The following WWC2 variants were observed in gnomAD, a reference collection of about 807,000 sequenced individuals.
WWC2 encodes WW and C2 domain containing 2, also known as protein WWC2.
In WWC2, 101 loss-of-function variants were observed where a neutral mutation model predicts 138.5. The ratio of observed to expected loss-of-function variants is 0.73; its 90% CI spans 0.62 to 0.86. The LOEUF (loss-of-function observed/expected upper bound fraction) is 0.86, where lower values mean the gene tolerates loss of function less well. Among genes scored for constraint, WWC2 ranks in the 40% least tolerant of loss-of-function variants. The probability of loss-of-function intolerance (pLI) is 0.00; values close to 1 mark genes in which losing one functional copy is unlikely to be tolerated. For missense variants in WWC2, 1,420 were observed against 1,419.4 expected, an observed-to-expected ratio of 1.00 and a Z score of -0.01; for synonymous variants, 558 against 538.4, an observed-to-expected ratio of 1.04 and a Z score of -0.50.
chr4:183,263,624 A>T (rs1737405014), intron 11 of WWC2, among the ~76,000 whole-genome samples: 1 of 152,218 alleles, frequency 6.6e-6, no homozygotes, highest in African/African-American at 2.4e-5. Flanking sequence ...ATAAAGGCTA[A>T]TTCTCACAAA....
chr4:183,257,871 G>A (rs1737197110), intron 9 of WWC2, among the ~76,000 whole-genome samples: 1 of 152,200 alleles, frequency 6.6e-6, no homozygotes, highest in African/African-American at 2.4e-5. Context: ...AAGGGCTGAT[G>A]TCTGCATTCT....
rs771302128 is a variant in WWC2, at chr4:183,271,260, A to G, written c.2562+19A>G. ...AGACTTGGTGAGTCAAAATTAGAGT[A>G]TAATATGAAAGTAATGTGAAATACA... On this transcript the variant is annotated intron_variant, in intron 16 of 22. Coordinates refer to ENST00000403733, the MANE Select transcript of WWC2 (RefSeq NM_024949.6). 6.3e-7 allele frequency: 1 copy of G among 1,586,612 alleles called. No homozygotes were observed. The highest frequency in any genetic ancestry group is 2.3e-5 in the East Asian group (1 of 44,316).
At chr4:183,299,309 G>T (rs553735740) in intron 21 of WWC2, among the ~76,000 whole-genome samples, 1 of 152,142 alleles carries the variant, frequency 6.6e-6, no homozygotes, top group South Asian at 2.1e-4. Context: ...TTGAGTTTTG[G>T]GGGGAAAAAC....
In WWC2 at chr4:183,320,020, A is replaced by T. The variant is rs776865050; in HGVS notation, c.*4291A>T. On this transcript the variant is annotated 3_prime_UTR_variant, in exon 23 of 23. Coordinates refer to ENST00000403733, the MANE Select transcript of WWC2 (RefSeq NM_024949.6). ...GCAGGCAAAGCCAGGAAGGAGTCAAAGTCCTTGCATTGCATCCCCACTTCC... is the reference window on the plus strand; with the variant it reads ...GCAGGCAAAGCCAGGAAGGAGTCAATGTCCTTGCATTGCATCCCCACTTCC... 36 of 1,613,896 alleles carry T rather than the reference A, an allele frequency of 2.2e-5. 3 individuals carry two copies. In the South Asian group the frequency reaches 4.0e-4, roughly 18 times the overall value.
At chr4:183,147,562 A>G (rs1301877357) in intron 1 of WWC2, among the ~76,000 whole-genome samples, 1 of 152,238 alleles carries the variant, frequency 6.6e-6, no homozygotes, top group Non-Finnish European at 1.5e-5. Flanking sequence ...AGTGAATTTC[A>G]GAGATCTGTC....
In WWC2 at chr4:183,319,296, T is replaced by C; in HGVS notation, c.*3567T>C. The C allele has an allele frequency of 2.5e-6, 1 of 405,216 alleles. No individual in the cohort carries two copies. Among genetic ancestry groups the C allele is most frequent in the Non-Finnish European group, 4.4e-6 (1 of 229,474 alleles). The allele number at this position is 405,216 out of a possible 1,614,324, so 25.1% of individuals were successfully genotyped here. Reference sequence around the variant, plus strand: ...AGATTAATGTTTTATTTACCACTTCTGTGCAATCGCTATTTTAAAATTGAG... The same window carrying C: ...AGATTAATGTTTTATTTACCACTTCCGTGCAATCGCTATTTTAAAATTGAG... On this transcript the variant is annotated 3_prime_UTR_variant, in exon 23 of 23. Coordinates refer to ENST00000403733, the MANE Select transcript of WWC2 (RefSeq NM_024949.6).
intron 4 of WWC2, among the ~76,000 whole-genome samples, chr4:183,221,392 A>G (rs373508818): frequency 5.4e-4 from 83 of 152,348 alleles, no homozygotes; most frequent in African/African-American, 1.9e-3. Flanking sequence ...GCTGTCGAAG[A>G]TGTAAACAAT....
rs147844978 is a variant in WWC2 at position 183,186,706 on chromosome 4, G to C, written c.132-6893G>C. ...GCCTGGAGGAGGGGATGCGAGACAT[G>C]TAGAGAGGAGTGGGGTGTGTGGGTC... is the stretch of plus-strand genomic sequence containing the variant. On this transcript the variant is annotated intron_variant, in intron 1 of 22. Coordinates refer to ENST00000403733, the MANE Select transcript of WWC2 (RefSeq NM_024949.6). Among the ~76,000 whole-genome samples the C allele has an allele frequency of 5.1e-3, 778 of 152,238 alleles. 12 individuals are homozygous for C. The highest frequency in any genetic ancestry group is 0.017 in the African/African-American group (727 of 41,548).
At chr4:183,280,229 G>GGTTTTT (rs1738018362) in intron 16 of WWC2, among the ~76,000 whole-genome samples, 2 of 65,430 alleles carry the variant, frequency 3.1e-5, no homozygotes, top group Non-Finnish European at 5.3e-5. Flanking sequence ...GATAGCAGCT[G>GGTTTTT]TTTTTTTTTT....
At chr4:183,158,386 C>A (rs200292776) in intron 1 of WWC2, among the ~76,000 whole-genome samples, 1 of 151,744 alleles carries the variant, frequency 6.6e-6, no homozygotes, top group Admixed American at 6.6e-5. Flanking sequence ...AGTCTGAGAC[C>A]GGGTGTAGGC....
At chr4:183,261,652 C>T (rs74891370) in intron 11 of WWC2, 120 bp downstream of exon 11, 22,747 of 1,221,810 alleles carry the variant, frequency 0.019, 238 homozygotes, top group Non-Finnish European at 0.022. Flanking sequence ...TTTGAGTAAT[C>T]GTTTTGGCTT....
Position 183,317,551 on chromosome 4 carries a change from G to A in WWC2, c.*1822G>A, listed in dbSNP as rs1444074003. On this transcript the variant is annotated 3_prime_UTR_variant, in exon 23 of 23. Transcript: ENST00000403733. ...AAGACAGAAGTTTATTTAATGTAGAGGTAAATGAAGGTGAGCTGTTTTCAG... is the reference window on the plus strand; with the variant it reads ...AAGACAGAAGTTTATTTAATGTAGAAGTAAATGAAGGTGAGCTGTTTTCAG... 2 of 152,608 alleles carry A rather than the reference G, an allele frequency of 1.3e-5. No individual in the cohort carries two copies. Among genetic ancestry groups the A allele is most frequent in the East Asian group, 3.8e-4 (2 of 5,198 alleles). The allele number at this position is 152,608 out of a possible 1,614,324, so 9.5% of individuals were successfully genotyped here.
At chr4:183,266,013 AC>A in intron 14 of WWC2, 62 bp downstream of exon 14, 1 of 1,436,118 alleles carries the variant, frequency 7.0e-7, no homozygotes, top group South Asian at 1.2e-5. Flanking sequence ...AGAGAATTTT[AC>A]ACTGTAATCA....
At chr4:183,304,429 C>G (rs78252053) in intron 21 of WWC2, among the ~76,000 whole-genome samples, 1 of 152,042 alleles carries the variant, frequency 6.6e-6, no homozygotes. Context: ...TGGGTCCTCA[C>G]GATGGATGTC....
chr4:183,212,413 C>T (rs1481111112), intron 4 of WWC2, among the ~76,000 whole-genome samples: 1 of 152,128 alleles, frequency 6.6e-6, no homozygotes, highest in Non-Finnish European at 1.5e-5. Flanking sequence ...TGCCTTGGTA[C>T]TGTATCTCTG....
chr4:183,289,316 C>T (rs1335658877), intron 20 of WWC2, 77 bp from the exon 21 acceptor site: 20 of 1,528,024 alleles, frequency 1.3e-5, no homozygotes, highest in Middle Eastern at 1.8e-4. Context: ...ATCCATCATG[C>T]GCCAGGAAGG....
chr4:183,318,572 CT>C lies in WWC2; in HGVS notation c.*2844del, dbSNP rs1422445694. 6.6e-6 allele frequency: 1 copy of C among 152,322 alleles called. No individual in the cohort carries two copies. The highest frequency in any genetic ancestry group is 2.4e-5 in the African/African-American group (1 of 41,354). The allele number at this position is 152,322 out of a possible 1,614,324, so 9.4% of individuals were successfully genotyped here. A position where few individuals can be genotyped will look rare whatever the true frequency, so the allele number is the denominator to read the frequency against. On this transcript the variant is annotated 3_prime_UTR_variant, in exon 23 of 23. Coordinates refer to ENST00000403733, the MANE Select transcript of WWC2 (RefSeq NM_024949.6). ...GTCGTTTATTGTTCAGTTTATTTCCCTGATTGGCACAAACACAAGAGTTTCC... is the reference window on the plus strand; with the variant it reads ...GTCGTTTATTGTTCAGTTTATTTCCCGATTGGCACAAACACAAGAGTTTCC...
At chr4:183,289,131 T>G (rs1253892569) in intron 20 of WWC2, among the ~76,000 whole-genome samples, 1 of 152,214 alleles carries the variant, frequency 6.6e-6, no homozygotes, top group East Asian at 1.9e-4. Flanking sequence ...TGATGGAGCC[T>G]CCCTCTGTGG....
At chr4:183,182,924 G>A (rs191171712) in intron 1 of WWC2, among the ~76,000 whole-genome samples, 1 of 152,262 alleles carries the variant, frequency 6.6e-6, no homozygotes, top group Admixed American at 6.5e-5. Context: ...TGTAGTTGAC[G>A]TTTTCTTTCT....
Sources: gnomAD v4.1 joint callset for allele counts (sites outside exome capture counted in the v4.1 genomes callset) on GRCh38, gnomAD v4.1.1 for gene constraint, MANE v1.5 for transcripts, NCBI Gene and HGNC (gene_info 2026-07-23, HGNC 2026-07-21) for gene names.